The following DENND4C variants were observed in gnomAD, a reference collection of about 807,000 sequenced individuals.
The protein encoded by DENND4C is DENN domain-containing protein 4C.
A neutral mutation model predicts 203.0 loss-of-function variants in DENND4C; 108 were observed. The ratio of observed to expected loss-of-function variants is 0.53; its 90% CI spans 0.46 to 0.62. The LOEUF is 0.62. DENND4C is among the 20% of genes least tolerant of loss of function. DENND4C has a pLI of 0.00. For synonymous variants in DENND4C, 871 were observed against 792.4 expected (o/e 1.10, Z -1.67); for missense variants, 2,481 against 2,301.2 (o/e 1.08, Z -1.60).
chr9:19,296,129 A>G lies in DENND4C; in HGVS notation c.923A>G (p.Asn308Ser), dbSNP rs773919701. Residue 308 changes from asparagine (N) to serine (S), a missense_variant, in exon 6 of 33, where the codon AAT (asparagine) becomes AGT (serine). Physicochemically the swap from Asn to Ser is conservative, Grantham distance 46 (BLOSUM62 1). This residue lies in a region of DENND4C where 2,289 missense variants were observed against 2,113.3 expected (regional missense o/e 1.08). Transcript: ENST00000434457. ...AGAAAAATGGTCTCCAAATCCATCA[A>G]TACAAACAAATGCATTTGTTTACTC... ...VERKMVSKSINTNKCICLLSH... is the reference protein window; with the variant it reads ...VERKMVSKSISTNKCICLLSH... The G allele has an allele frequency of 6.3e-5, 101 of 1,613,912 alleles. No homozygotes were observed. Among genetic ancestry groups the G allele is most frequent in the Non-Finnish European group, 7.9e-5 (93 of 1,179,952 alleles).
chr9:19,326,370 TG>T (rs1222656850), intron 15 of DENND4C, among the ~76,000 whole-genome samples, 176 bp downstream of exon 15: 7 of 152,174 alleles, frequency 4.6e-5, no homozygotes, highest in African/African-American at 7.2e-5. Flanking sequence ...AAGAATTGGA[TG>T]GTATTGTCAG....
chr9:19,294,749 A>C (rs1837079489), intron 5 of DENND4C, among the ~76,000 whole-genome samples: 1 of 152,230 alleles, frequency 6.6e-6, no homozygotes, highest in Admixed American at 6.5e-5. Context: ...ATATAGGTGA[A>C]TCTTAAAAAC....
chr9:19,315,155 CA>C (rs10623955), intron 10 of DENND4C, among the ~76,000 whole-genome samples: 20 of 119,440 alleles, frequency 1.7e-4, no homozygotes, highest in Admixed American at 3.7e-4. Context: ...GACTCCGTCT[CA>C]AAAAAAAAAA....
intron 1 of DENND4C, among the ~76,000 whole-genome samples, chr9:19,238,940 AC>A (rs964048328): frequency 6.6e-5 from 10 of 151,050 alleles, no homozygotes; most frequent in Non-Finnish European, 1.3e-4. Flanking sequence ...GGCAGGAGCC[AC>A]CTTGCCTAGC....
chr9:19,280,252 A>G (rs558679283), intron 2 of DENND4C, among the ~76,000 whole-genome samples: 7 of 151,868 alleles, frequency 4.6e-5, no homozygotes, highest in Admixed American at 6.6e-5. Flanking sequence ...GGTTCAAGCA[A>G]TTCTCTGCCT....
chr9:19,245,862 A>G (rs1424813195), intron 1 of DENND4C, among the ~76,000 whole-genome samples: 10 of 152,162 alleles, frequency 6.6e-5, no homozygotes, highest in Non-Finnish European at 1.0e-4. Context: ...TCTCAAAAAA[A>G]AAAAAAAAAA....
At chr9:19,327,838 G>C (rs868013227) in intron 15 of DENND4C, among the ~76,000 whole-genome samples, 192 bp from the exon 16 acceptor site, 2 of 151,990 alleles carry the variant, frequency 1.3e-5, no homozygotes, top group African/African-American at 4.8e-5. Context: ...GTGGGGAAGA[G>C]ACAAAATTTT....
chr9:19,270,124 G>A (rs996394748), intron 1 of DENND4C, among the ~76,000 whole-genome samples: 11 of 152,004 alleles, frequency 7.2e-5, no homozygotes, highest in African/African-American at 2.7e-4. Flanking sequence ...AAATGGCATC[G>A]CTCTCCATGC....
At chr9:19,360,555 A>T in intron 29 of DENND4C, 66 bp downstream of exon 29, 1 of 1,585,124 alleles carries the variant, frequency 6.3e-7, no homozygotes, top group East Asian at 2.2e-5. Context: ...CAAGGTCCTG[A>T]AAGTATACAA....
At chr9:19,341,478 T>G (rs1295095266) in intron 21 of DENND4C, among the ~76,000 whole-genome samples, 3 of 151,796 alleles carry the variant, frequency 2.0e-5, no homozygotes, top group African/African-American at 7.3e-5. Context: ...CCCAGCTAAT[T>G]TTTTTATGTT....
intron 1 of DENND4C, among the ~76,000 whole-genome samples, chr9:19,272,549 G>T (rs768900149): frequency 6.6e-6 from 1 of 152,002 alleles, no homozygotes; most frequent in East Asian, 1.9e-4. Flanking sequence ...GAGCCAATGT[G>T]CCTGGCCAGA....
intron 9 of DENND4C, among the ~76,000 whole-genome samples, chr9:19,301,259 C>T (rs1325695477): frequency 1.3e-5 from 2 of 152,040 alleles, no homozygotes; most frequent in East Asian, 3.9e-4. Flanking sequence ...AGATGGTCCA[C>T]TTCTCCAACC....
At chr9:19,325,808 ATACTG>A (rs2131687587) in intron 13 of DENND4C, 126 bp from the exon 14 acceptor site, 1 of 816,978 alleles carries the variant, frequency 1.2e-6, no homozygotes, top group African/African-American at 1.7e-5. Flanking sequence ...GCCTAAAAAT[ATACTG>A]TGCATGTTTT....
chr9:19,270,675 C>T (rs1376171730), intron 1 of DENND4C, among the ~76,000 whole-genome samples: 2 of 151,942 alleles, frequency 1.3e-5, no homozygotes, highest in African/African-American at 4.8e-5. Flanking sequence ...ACATATTTGT[C>T]TATTGGTCAT....
At chr9:19,368,019 C>T (rs1267582979) in intron 30 of DENND4C, among the ~76,000 whole-genome samples, 1 of 152,062 alleles carries the variant, frequency 6.6e-6, no homozygotes, top group Non-Finnish European at 1.5e-5. Context: ...GGGATATGAA[C>T]ATGTTCTAAA....
At position 19,341,055 on chromosome 9, in the gene DENND4C, A is replaced by G. The variant is rs776589285; in HGVS notation, c.2945A>G (p.His982Arg). The G allele has an allele frequency of 6.2e-6, 10 of 1,613,164 alleles. No individual in the cohort carries two copies. Among genetic ancestry groups the G allele is most frequent in the East Asian group, 2.2e-5 (1 of 44,792 alleles). ...CTTATAAAGGATGATGCAGAAATTC[A>G]TGTGCCTGAAGAACAGGCAGCAAGA... ...DELIKDDAEI[H>R]VPEEQAAREL... Residue 982 changes from histidine (H) to arginine (R), a missense_variant, in exon 21 of 33, where the codon CAT becomes CGT. Physicochemically the swap from His to Arg is conservative, Grantham distance 29. Around this residue, in one of 3 missense-constraint regions of DENND4C, gnomAD observed 2,289 missense variants for 2,113.3 expected, o/e 1.08. Transcript: ENST00000434457.
intron 12 of DENND4C, among the ~76,000 whole-genome samples, chr9:19,320,860 A>G: frequency 6.6e-6 from 1 of 152,244 alleles, no homozygotes; most frequent in East Asian, 1.9e-4. Context: ...CTAGAAGGAA[A>G]GAAAGCCTTT....
At chr9:19,241,511 TTTC>T (rs1486199989) in intron 1 of DENND4C, among the ~76,000 whole-genome samples, 1 of 150,130 alleles carries the variant, frequency 6.7e-6, no homozygotes, top group Non-Finnish European at 1.5e-5. Flanking sequence ...TTTTTTCGTT[TTTC>T]TTTTTTTTTT....
chr9:19,335,174 A>T (rs1265706469), intron 18 of DENND4C, 69 bp downstream of exon 18: 2 of 1,178,562 alleles, frequency 1.7e-6, no homozygotes, highest in Non-Finnish European at 2.2e-6. Context: ...ACCTTTAGTT[A>T]TTCATGAAAC....
Sources: allele counts gnomAD v4.1 joint callset (sites outside exome capture counted in the v4.1 genomes callset), GRCh38; gene constraint gnomAD v4.1.1; regional missense constraint gnomAD v4.1.1; transcripts MANE v1.5; gene names NCBI Gene and HGNC (gene_info 2026-07-23, HGNC 2026-07-21).